The following MGAT4C variants were observed in gnomAD, a reference collection of about 807,000 sequenced individuals.
MGAT4C encodes the protein MGAT4 family member C, also known as alpha-1,3-mannosyl-glycoprotein 4-beta-N-acetylglucosaminyltransferase C.
Under a neutral mutation model 40.1 loss-of-function variants are expected in MGAT4C, and 19 were observed. That is an observed-to-expected ratio of 0.47 (90% CI 0.33 to 0.70). MGAT4C has a LOEUF of 0.70. Ranked by LOEUF, MGAT4C falls within the 30% of genes least tolerant of loss-of-function variation. The pLI is 0.02. For synonymous variants in MGAT4C, 181 were observed against 187.1 expected (o/e 0.97, Z 0.27); for missense variants, 491 against 563.2 (o/e 0.87, Z 1.30).
intron 2 of MGAT4C, among the ~76,000 whole-genome samples, chr12:86,610,076 G>C (rs2136473258): frequency 6.6e-6 from 1 of 152,182 alleles, no homozygotes; most frequent in South Asian, 2.1e-4. Context: ...ATTTAGAAAG[G>C]CTTTGGAATT....
intron 2 of MGAT4C, among the ~76,000 whole-genome samples, chr12:86,507,666 G>C (rs1958494528): frequency 6.6e-6 from 1 of 152,184 alleles, no homozygotes; most frequent in Non-Finnish European, 1.5e-5. Context: ...TTTCAAATGA[G>C]TAAGCAAGAT....
intron 1 of MGAT4C, among the ~76,000 whole-genome samples, chr12:86,130,129 A>G (rs1295278066): frequency 6.6e-6 from 1 of 152,220 alleles, no homozygotes; most frequent in Non-Finnish European, 1.5e-5. Flanking sequence ...TTATTTTTAC[A>G]GCCCAAAGGA....
chr12:86,502,275 T>C (rs917586889), intron 2 of MGAT4C, among the ~76,000 whole-genome samples: 5 of 151,956 alleles, frequency 3.3e-5, no homozygotes, highest in African/African-American at 1.2e-4. Flanking sequence ...TGATCCCAAC[T>C]CTGTGACATT....
At chr12:86,082,898 G>A (rs1390370904) in intron 1 of MGAT4C, among the ~76,000 whole-genome samples, 1 of 151,500 alleles carries the variant, frequency 6.6e-6, no homozygotes, top group Non-Finnish European at 1.5e-5. Context: ...TAAATTATCA[G>A]TGCCAATGGA....
At chr12:86,372,122 C>T (rs930923919) in intron 3 of MGAT4C, among the ~76,000 whole-genome samples, 2 of 151,568 alleles carry the variant, frequency 1.3e-5, no homozygotes, top group South Asian at 2.1e-4. Flanking sequence ...CAGTTTAATT[C>T]AAATCAGAGT....
intron 2 of MGAT4C, among the ~76,000 whole-genome samples, chr12:86,519,987 G>C (rs1174396656): frequency 6.6e-6 from 1 of 151,696 alleles, no homozygotes. Flanking sequence ...CAATGTCCTG[G>C]GATTTTCCCC....
At chr12:86,388,547 T>C (rs1956101950) in intron 3 of MGAT4C, among the ~76,000 whole-genome samples, 2 of 152,100 alleles carry the variant, frequency 1.3e-5, no homozygotes, top group African/African-American at 4.8e-5. Flanking sequence ...GCCAATTAAA[T>C]TTATCACAGA....
intron 1 of MGAT4C, among the ~76,000 whole-genome samples, chr12:86,078,793 C>T (rs1870283461): frequency 6.6e-6 from 1 of 152,156 alleles, no homozygotes; most frequent in Non-Finnish European, 1.5e-5. Context: ...AGGCTGATTG[C>T]CGTCCACAGA....
At chr12:86,131,408 T>G (rs1440172183) in intron 1 of MGAT4C, among the ~76,000 whole-genome samples, 1 of 152,228 alleles carries the variant, frequency 6.6e-6, no homozygotes, top group East Asian at 1.9e-4. Context: ...ATACTCATAT[T>G]TGGACATTCT....
At chr12:86,358,459 T>C (rs1401512458) in intron 3 of MGAT4C, among the ~76,000 whole-genome samples, 4 of 152,058 alleles carry the variant, frequency 2.6e-5, no homozygotes, top group African/African-American at 9.7e-5. Flanking sequence ...AATGACAGGA[T>C]CAAATTCACA....
At chr12:86,631,583 C>A (rs1404917321) in intron 2 of MGAT4C, among the ~76,000 whole-genome samples, 1 of 151,874 alleles carries the variant, frequency 6.6e-6, no homozygotes, top group Non-Finnish European at 1.5e-5. Context: ...CAGAACAGAG[C>A]CCTCAGAAAT....
At chr12:86,759,447 C>A (rs1951363460) in intron 1 of MGAT4C, among the ~76,000 whole-genome samples, 1 of 152,082 alleles carries the variant, frequency 6.6e-6, no homozygotes, top group Non-Finnish European at 1.5e-5. Context: ...TTTTAATTAT[C>A]TGAGGAACCT....
intron 1 of MGAT4C, among the ~76,000 whole-genome samples, chr12:86,742,891 A>C (rs905530835): frequency 6.6e-6 from 1 of 151,662 alleles, no homozygotes; most frequent in Non-Finnish European, 1.5e-5. Context: ...CCCAAACTAA[A>C]GCTATTACAC....
chr12:86,013,249 C>T (rs926571243), intron 2 of MGAT4C, among the ~76,000 whole-genome samples: 2 of 152,106 alleles, frequency 1.3e-5, no homozygotes, highest in African/African-American at 2.4e-5. Context: ...TGAAGTGATA[C>T]TGTACCAAGT....
intron 2 of MGAT4C, among the ~76,000 whole-genome samples, chr12:86,520,216 C>T (rs922517029): frequency 6.6e-6 from 1 of 152,122 alleles, no homozygotes; most frequent in Admixed American, 6.6e-5. Context: ...TCCTCTCCCT[C>T]CTCCTGTCAT....
chr12:86,071,537 G>A (rs139339290), intron 1 of MGAT4C, among the ~76,000 whole-genome samples: 92 of 152,106 alleles, frequency 6.0e-4, no homozygotes, highest in African/African-American at 1.8e-3. Context: ...TAACTTTGTT[G>A]CTCTTATGAA....
intron 3 of MGAT4C, among the ~76,000 whole-genome samples, chr12:86,424,370 C>G (rs1182259865): frequency 6.6e-6 from 1 of 152,192 alleles, no homozygotes. Flanking sequence ...GTGAGAACCT[C>G]TCTTATGTTT....
At chr12:86,516,715 T>C (rs1958695101) in intron 2 of MGAT4C, among the ~76,000 whole-genome samples, 1 of 152,184 alleles carries the variant, frequency 6.6e-6, no homozygotes, top group Non-Finnish European at 1.5e-5. Flanking sequence ...TTGCAAATCC[T>C]GTATCTGTTA....
At chr12:86,147,354 G>T (rs1883675954) in intron 1 of MGAT4C, among the ~76,000 whole-genome samples, 1 of 151,992 alleles carries the variant, frequency 6.6e-6, no homozygotes, top group African/African-American at 2.4e-5. Context: ...TCATTCTCCT[G>T]CTTCAGCCTC....
Sources: allele counts gnomAD v4.1 joint callset (sites outside exome capture counted in the v4.1 genomes callset), GRCh38; gene constraint gnomAD v4.1.1; transcripts MANE v1.5; gene names NCBI Gene and HGNC (gene_info 2026-07-23, HGNC 2026-07-21).